Variants in CHEK1 observed in about 807,000 individuals in gnomAD.
CHEK1 encodes the protein checkpoint kinase 1, also known as serine/threonine-protein kinase Chk1.
CHEK1 carries 32 observed loss-of-function variants against 60.2 expected under a neutral mutation model. The observed-to-expected ratio is 0.53, with a 90% CI of 0.40 to 0.71. The LOEUF (loss-of-function observed/expected upper bound fraction) is 0.71. CHEK1 is among the 30% of genes least tolerant of loss of function. The probability of loss-of-function intolerance (pLI) is 0.00; values close to 1 mark genes in which losing one functional copy is unlikely to be tolerated. For synonymous variants in CHEK1, 179 were observed against 187.2 expected (o/e 0.96, Z 0.36); for missense variants, 399 against 564.6 (o/e 0.71, Z 2.97).
chr11:125,676,270 T>C (rs116399606), downstream of CHEK1: 1,748 of 1,488,686 alleles, frequency 1.2e-3, 22 homozygotes, highest in African/African-American at 0.022. Flanking sequence ...CTTGATTCTT[T>C]CCTGGGCCCC....
At chr11:125,627,585 T>A in intron 2 of CHEK1, 22 bp from the exon 3 acceptor site, 1 of 1,579,766 alleles carries the variant, frequency 6.3e-7, no homozygotes, top group South Asian at 1.2e-5. Flanking sequence ...TTCTGTAATG[T>A]TAAAACTCTT....
chr11:125,650,596 A>G (rs1941688635), intron 11 of CHEK1, among the ~76,000 whole-genome samples: 1 of 151,472 alleles, frequency 6.6e-6, no homozygotes, highest in African/African-American at 2.4e-5. Flanking sequence ...ATCTGGGACT[A>G]CAGGCACCTG....
At chr11:125,643,081 T>C (rs1436994707) in intron 8 of CHEK1, 2 of 152,202 alleles carry the variant, frequency 1.3e-5, no homozygotes, top group Non-Finnish European at 2.9e-5. Context: ...TAATGTTTAT[T>C]GCTATTATCA....
intron 6 of CHEK1, 85 bp from the exon 7 acceptor site, chr11:125,635,344 C>T (rs1941027629): frequency 1.1e-6 from 1 of 873,806 alleles, no homozygotes; most frequent in South Asian, 2.0e-5. Flanking sequence ...TCAAAGGAAA[C>T]TTTTCATGGA....
At chr11:125,674,268 A>T (rs1942372676) in intron 13 of CHEK1, among the ~76,000 whole-genome samples, 2 of 152,220 alleles carry the variant, frequency 1.3e-5, no homozygotes, top group Admixed American at 1.3e-4. Flanking sequence ...CAATGGAAAA[A>T]CCATGTTATA....
intron 6 of CHEK1, 78 bp downstream of exon 6, chr11:125,633,429 G>T (rs1940945025): frequency 1.6e-6 from 2 of 1,240,838 alleles, no homozygotes; most frequent in South Asian, 3.9e-5. Context: ...ATAAACCAAG[G>T]AATTCATGTT....
Position 125,653,984 on chromosome 11 carries a change from T to G in CHEK1, c.1335+137T>G. ...TCGTTTAATATTATGAGCATGTGTT[T>G]TCGTTATCTATTTTTCCCGAACATT... is the stretch of plus-strand genomic sequence containing the variant. On this transcript the variant is annotated intron_variant, in intron 12 of 12. Transcript: ENST00000438015. This position sits in a 1 kb window ranked among gnomAD's most constrained non-coding sequence, Gnocchi z 4.3. 1 of 523,530 alleles carries G rather than the reference T, an allele frequency of 1.9e-6. No homozygotes were observed. The highest frequency in any genetic ancestry group is 3.3e-6 in the Non-Finnish European group (1 of 301,662). 32.4% of individuals were successfully genotyped at this position (523,530 alleles called of 1,614,324 possible).
At chr11:125,664,150 G>A (rs1942059259) in intron 13 of CHEK1, among the ~76,000 whole-genome samples, 1 of 151,866 alleles carries the variant, frequency 6.6e-6, no homozygotes, top group Non-Finnish European at 1.5e-5. Context: ...CAGGATAATA[G>A]CCATTTTAAC....
In CHEK1 at chr11:125,644,199, T is replaced by C. The variant is rs375729370; in HGVS notation, c.1032T>C (p.Phe344=). ...ATAAATTGGTACAAGGGATCAGCTT[T>C]TCCCAGCCCACATGTCCTGATCATA... ...YIDKLVQGIS[F]SQPTCPDHML... is the part of the protein sequence containing the mutation. The change falls in exon 10 of 13, where the codon TTT becomes TTC. Residue 344 remains phenylalanine (F), a synonymous_variant. Transcript: ENST00000438015. 1 of 1,614,204 alleles carries C rather than the reference T, an allele frequency of 6.2e-7. No homozygotes were observed. The highest frequency in any genetic ancestry group is 8.5e-7 in the Non-Finnish European group (1 of 1,180,034).
Position 125,625,760 on chromosome 11 carries a change from G to A in CHEK1, c.-273G>A. ...TTGGGCCCAGAGCTCAATTCGCGCCGATGCGGTCCGCCGTCCTTAAATCTC... is the reference window on the plus strand; with the variant it reads ...TTGGGCCCAGAGCTCAATTCGCGCCAATGCGGTCCGCCGTCCTTAAATCTC... On this transcript the variant is annotated 5_prime_UTR_variant, in exon 1 of 13. Transcript: ENST00000438015. 1.5e-6 allele frequency: 1 copy of A among 685,358 alleles called. No homozygotes were observed. Among genetic ancestry groups the A allele is most frequent in the Non-Finnish European group, 2.7e-6 (1 of 371,474 alleles). The allele number at this position is 685,358 out of a possible 1,614,324, so 42.5% of individuals were successfully genotyped here.
chr11:125,637,431 C>A lies in CHEK1; in HGVS notation c.719-18C>A. 1 of 1,587,394 alleles carries A rather than the reference C, an allele frequency of 6.3e-7. No individual in the cohort carries two copies. The highest frequency in any genetic ancestry group is 1.1e-5 in the South Asian group (1 of 87,048). The stretch of plus-strand genomic sequence containing the variant: ...AACATGATTCTTTCGTGAATGTTGT[C>A]GTAATGTTTGTTTTTAGCTCTGCTG... On this transcript the variant is annotated intron_variant, in intron 7 of 12. Transcript: ENST00000438015.
chr11:125,655,313 C>T lies in CHEK1; in HGVS notation c.1424C>T (p.Ala475Val). The T allele has an allele frequency of 6.2e-7, 1 of 1,609,372 alleles. No individual in the cohort carries two copies. The highest frequency in any genetic ancestry group is 8.5e-7 in the Non-Finnish European group (1 of 1,175,840). The change falls in exon 13 of 13, where the codon GCC becomes GTC. Residue 475 changes from alanine to valine, a missense_variant. Ala to Val is a moderately conservative substitution (Grantham distance 64). Transcript: ENST00000438015. ...AGCAGCCAGAAGATTTGGCTTCCTG[C>T]CACATGATCGGACCATCGGCTCTGG... Reference protein sequence around the residue: ...IVSSQKIWLPAT With the variant: ...IVSSQKIWLPVT
chr11:125,652,162 T>C (rs957178628), intron 11 of CHEK1, among the ~76,000 whole-genome samples: 1 of 152,244 alleles, frequency 6.6e-6, no homozygotes, highest in East Asian at 1.9e-4. Flanking sequence ...TGGGCAAATC[T>C]GCTGATCTCG....
Position 125,637,516 on chromosome 11 carries a change from T to C in CHEK1, c.786T>C (p.Asp262=). The C allele has an allele frequency of 6.2e-7, 1 of 1,611,110 alleles. No homozygotes were observed. The highest frequency in any genetic ancestry group is 8.5e-7 in the Non-Finnish European group (1 of 1,178,482). Reference sequence around the variant, plus strand: ...TTACCATTCCAGACATCAAAAAAGATAGATGGTACAACAAACCCCTCAAGA... The same window carrying C: ...TTACCATTCCAGACATCAAAAAAGACAGATGGTACAACAAACCCCTCAAGA... ...ARITIPDIKK[D]RWYNKPLKKG... Residue 262 remains aspartate (D), a synonymous_variant, in exon 8 of 13, where the codon GAT becomes GAC. Coordinates refer to ENST00000438015, the MANE Select transcript of CHEK1 (RefSeq NM_001114122.3).
At chr11:125,634,779 A>T (rs1292532513) in intron 6 of CHEK1, among the ~76,000 whole-genome samples, 1 of 152,144 alleles carries the variant, frequency 6.6e-6, no homozygotes, top group Non-Finnish European at 1.5e-5. Flanking sequence ...GGATATCAAC[A>T]TGACTTTTGA....
At chr11:125,672,748 G>A (rs772014181) in intron 13 of CHEK1, 34 of 1,612,362 alleles carry the variant, frequency 2.1e-5, no homozygotes, top group Non-Finnish European at 2.8e-5. Flanking sequence ...CTAGTGAGCA[G>A]AAAGCTTCGT....
rs1940578470 is a variant in CHEK1, at chr11:125,626,002, A to G, written c.-31A>G. 1 of 700,588 alleles carries G rather than the reference A, an allele frequency of 1.4e-6. No homozygotes were observed. 43.4% of individuals were successfully genotyped at this position (700,588 alleles called of 1,614,324 possible). ...TTTGGATTCCTGCAGTGGTGGGCAA[A>G]GGACAGTCCGGTGAGGAAGGGCGGC... On this transcript the variant is annotated 5_prime_UTR_variant, in exon 1 of 13. Coordinates refer to ENST00000438015, the MANE Select transcript of CHEK1 (RefSeq NM_001114122.3).
intron 11 of CHEK1, among the ~76,000 whole-genome samples, chr11:125,651,040 T>G (rs576562519): frequency 6.6e-6 from 1 of 152,212 alleles, no homozygotes; most frequent in African/African-American, 2.4e-5. Context: ...GCCCTGGTCA[T>G]GGGTGTGTCT....
chr11:125,662,210 C>T (rs1942030277), intron 13 of CHEK1, among the ~76,000 whole-genome samples: 1 of 152,182 alleles, frequency 6.6e-6, no homozygotes, highest in Non-Finnish European at 1.5e-5. Flanking sequence ...CTGGGAAGTC[C>T]GAGTTCAAGG....
Sources: allele counts gnomAD v4.1 joint callset (sites outside exome capture counted in the v4.1 genomes callset), GRCh38; gene constraint gnomAD v4.1.1; non-coding constraint Gnocchi (gnomAD v3.1); transcripts MANE v1.5; gene names NCBI Gene and HGNC (gene_info 2026-07-23, HGNC 2026-07-21).